Variants in BLTP1 observed in about 807,000 individuals in gnomAD.
The protein encoded by BLTP1 is bridge-like lipid transfer protein family member 1.
At chr4:122,211,180 A>G in the BLTP1 span, 1 of 1,193,046 alleles carries the variant, frequency 8.4e-7, no homozygotes, top group Non-Finnish European at 1.2e-6. Context: ...CGTTTGAAAT[A>G]GCCAGTTGGA....
At chr4:122,274,140 T>C in the BLTP1 span, 1 of 154,466 alleles carries the variant, frequency 6.5e-6, no homozygotes, top group African/African-American at 2.4e-5. Flanking sequence ...TGACATTTAA[T>C]ATGTATGTAT....
chr4:122,357,728 G>A, the BLTP1 span, among the ~76,000 whole-genome samples: 8 of 152,052 alleles, frequency 5.3e-5, no homozygotes, highest in African/African-American at 1.9e-4. Context: ...TTATTGCACC[G>A]TTATGAATAT....
chr4:122,184,895 A>AC, the BLTP1 span: 7 of 984,650 alleles, frequency 7.1e-6, no homozygotes, highest in Non-Finnish European at 8.4e-6. Flanking sequence ...TCCAGACATG[A>AC]AATCTGCCCC....
At chr4:122,280,587 C>T in the BLTP1 span, among the ~76,000 whole-genome samples, 95 of 148,858 alleles carry the variant, frequency 6.4e-4, no homozygotes, top group Non-Finnish European at 6.8e-4. Flanking sequence ...CGCTTGAACC[C>T]GGGAGGCAGA....
At chr4:122,357,934 C>A in the BLTP1 span, among the ~76,000 whole-genome samples, 1 of 152,098 alleles carries the variant, frequency 6.6e-6, no homozygotes, top group Non-Finnish European at 1.5e-5. Flanking sequence ...TTGAAATGCT[C>A]TTTTATTAAT....
chr4:122,194,283 T>C, the BLTP1 span, among the ~76,000 whole-genome samples: 1 of 152,206 alleles, frequency 6.6e-6, no homozygotes, highest in Non-Finnish European at 1.5e-5. Flanking sequence ...CTAACAATTA[T>C]ATGGTAAATG....
the BLTP1 span, chr4:122,207,382 A>G: frequency 2.2e-6 from 3 of 1,384,628 alleles, no homozygotes; most frequent in Non-Finnish European, 2.9e-6. Flanking sequence ...TCCCCCCATT[A>G]TCTTTGTGAG....
chr4:122,256,748 T>G, the BLTP1 span: 1 of 314,604 alleles, frequency 3.2e-6, no homozygotes, highest in Non-Finnish European at 4.6e-6. Context: ...GATAATACAG[T>G]TAACTTTCAA....
the BLTP1 span, chr4:122,172,062 TTA>T: frequency 4.9e-6 from 3 of 607,388 alleles, no homozygotes; most frequent in Non-Finnish European, 6.2e-6. Flanking sequence ...CAAAATAACT[TTA>T]CAAAATATTT....
the BLTP1 span, chr4:122,328,186 G>A: frequency 2.4e-5 from 38 of 1,611,176 alleles, no homozygotes; most frequent in Non-Finnish European, 3.1e-5. Flanking sequence ...GAAGGATCAT[G>A]TTCTGTGTTC....
chr4:122,170,363 A>G, the BLTP1 span: 11 of 943,612 alleles, frequency 1.2e-5, no homozygotes, highest in Non-Finnish European at 1.3e-5. Flanking sequence ...GAGCCAGAGT[A>G]TAGTAATTGA....
chr4:122,350,161 G>C, the BLTP1 span: 1 of 1,469,306 alleles, frequency 6.8e-7, no homozygotes, highest in Non-Finnish European at 9.0e-7. Context: ...TAATCTGTAT[G>C]CCCCACTTAG....
the BLTP1 span, among the ~76,000 whole-genome samples, chr4:122,248,459 C>G: frequency 6.6e-6 from 1 of 152,138 alleles, no homozygotes; most frequent in East Asian, 1.9e-4. Context: ...CCAAAGGTTA[C>G]TTAATAACCT....
At chr4:122,285,055 G>C in the BLTP1 span, among the ~76,000 whole-genome samples, 1 of 152,072 alleles carries the variant, frequency 6.6e-6, no homozygotes, top group Non-Finnish European at 1.5e-5. Flanking sequence ...AGAAGTCTTA[G>C]GCCTTCAGAT....
the BLTP1 span, chr4:122,271,333 C>T: frequency 6.2e-7 from 1 of 1,613,824 alleles, no homozygotes; most frequent in Non-Finnish European, 8.5e-7. Context: ...GATCTGCTTC[C>T]CCAACACCTA....
the BLTP1 span, among the ~76,000 whole-genome samples, chr4:122,191,180 A>G: frequency 6.6e-6 from 1 of 152,206 alleles, no homozygotes; most frequent in Non-Finnish European, 1.5e-5. Context: ...AATGGGAAGT[A>G]CACATAAAGT....
the BLTP1 span, among the ~76,000 whole-genome samples, chr4:122,353,423 T>C: frequency 1.3e-5 from 2 of 152,188 alleles, no homozygotes; most frequent in Admixed American, 1.3e-4. The surrounding 1 kb of genome is among the most constrained non-coding windows in gnomAD (Gnocchi z 4.3). Context: ...ATCTTTCTTA[T>C]AAAAACATGA....
the BLTP1 span, among the ~76,000 whole-genome samples, chr4:122,165,298 C>T: frequency 6.6e-6 from 1 of 151,776 alleles, no homozygotes; most frequent in Non-Finnish European, 1.5e-5. Flanking sequence ...GTTCAATTCC[C>T]ACCTATGAGT....
the BLTP1 span, chr4:122,288,569 T>C: frequency 6.6e-6 from 1 of 152,518 alleles, no homozygotes; most frequent in African/African-American, 2.4e-5. Context: ...GGAGAATCGC[T>C]TGAACCCAGG....
Sources: allele counts gnomAD v4.1 joint callset (sites outside exome capture counted in the v4.1 genomes callset), GRCh38; gene constraint gnomAD v4.1.1; non-coding constraint Gnocchi (gnomAD v3.1); transcripts MANE v1.5; gene names NCBI Gene and HGNC (gene_info 2026-07-23, HGNC 2026-07-21).